Variants in ERAP1 observed in about 807,000 individuals in gnomAD.
The protein encoded by ERAP1 is adipocyte-derived leucine aminopeptidase.
ERAP1 carries 86 observed loss-of-function variants against 103.7 expected under a neutral mutation model. That is an observed-to-expected ratio of 0.83 (90% confidence interval 0.70 to 0.99). The LOEUF (loss-of-function observed/expected upper bound fraction) is 0.99. Among genes scored for constraint, ERAP1 ranks in the 50% least tolerant of loss-of-function variants. The probability of loss-of-function intolerance (pLI) is 0.00; values close to 1 mark genes in which losing one functional copy is unlikely to be tolerated. For missense variants in ERAP1, 1,009 were observed against 1,128.4 expected (o/e 0.89, Z 1.52); for synonymous variants, 398 against 402.4 (o/e 0.99, Z 0.13).
the ERAP1 span, among the ~76,000 whole-genome samples, chr5:96,897,085 C>G: frequency 2.6e-5 from 4 of 151,642 alleles, no homozygotes; most frequent in African/African-American, 9.7e-5. Context: ...ACCTGACTTT[C>G]TTTGGTTTCT....
At chr5:96,822,897 T>G in the ERAP1 span, 1 of 360,764 alleles carries the variant, frequency 2.8e-6, no homozygotes, top group South Asian at 2.1e-5. Context: ...TAGGGTCACA[T>G]GAGGCTGAAT....
At chr5:96,857,208 GC>G in the ERAP1 span, among the ~76,000 whole-genome samples, 2 of 152,194 alleles carry the variant, frequency 1.3e-5, no homozygotes, top group Non-Finnish European at 2.9e-5. Flanking sequence ...CTTCAAAGAA[GC>G]CTTCCCTGAT....
downstream of ERAP1, among the ~76,000 whole-genome samples, chr5:96,771,134 A>G (rs1772143746): frequency 6.6e-6 from 1 of 152,212 alleles, no homozygotes; most frequent in African/African-American, 2.4e-5. Context: ...CCTGTAGTAG[A>G]TTCCCTTAAG....
chr5:96,774,994 C>T lies in ERAP1; in HGVS notation c.*1402G>A. 1 of 985,510 alleles carries T rather than the reference C, an allele frequency of 1.0e-6. No individual in the cohort carries two copies. The highest frequency in any genetic ancestry group is 1.2e-6 in the Non-Finnish European group (1 of 829,912). 61.0% of individuals were successfully genotyped at this position (985,510 alleles called of 1,614,324 possible). ...AAGTTCAGTTTGAATTCTCCTTTGC[C>T]AGGTGTGAGGATTTCCGCACCTTAG... On this transcript the variant is annotated 3_prime_UTR_variant, in exon 19 of 19. Transcript: ENST00000443439.
At chr5:96,832,494 A>G in the ERAP1 span, among the ~76,000 whole-genome samples, 1 of 152,216 alleles carries the variant, frequency 6.6e-6, no homozygotes, top group African/African-American at 2.4e-5. Flanking sequence ...GAAAAGTTGT[A>G]AAAATATAGA....
the ERAP1 span, among the ~76,000 whole-genome samples, chr5:96,866,488 TA>T: frequency 6.6e-6 from 1 of 152,216 alleles, no homozygotes; most frequent in Non-Finnish European, 1.5e-5. Flanking sequence ...CAACATTCAT[TA>T]AGGATGTTTA....
At chr5:96,895,265 C>A in the ERAP1 span, 5 of 1,611,366 alleles carry the variant, frequency 3.1e-6, no homozygotes, top group Non-Finnish European at 4.2e-6. Flanking sequence ...AACCTGGTCA[C>A]AATGGAATGG....
the ERAP1 span, chr5:96,880,993 A>G: frequency 6.3e-6 from 1 of 159,024 alleles, no homozygotes; most frequent in South Asian, 1.6e-4. Flanking sequence ...TTGAGAGCTG[A>G]GTTTTTTTTT....
At chr5:96,818,923 T>TTTAG in the ERAP1 span, among the ~76,000 whole-genome samples, 1 of 151,006 alleles carries the variant, frequency 6.6e-6, no homozygotes, top group Non-Finnish European at 1.5e-5. Flanking sequence ...TATTTATTTA[T>TTTAG]TTATTTATTT....
the ERAP1 span, among the ~76,000 whole-genome samples, chr5:96,856,349 A>AATATATATATATATATATATATATAT: frequency 1.2e-4 from 1 of 8,538 alleles, no homozygotes; most frequent in African/African-American, 3.6e-4. Context: ...AAAAAAAAAA[A>AATATATATATATATATATATATATAT]ATATATATAT....
the ERAP1 span, among the ~76,000 whole-genome samples, chr5:96,888,931 C>T: frequency 6.6e-6 from 1 of 152,194 alleles, no homozygotes; most frequent in Non-Finnish European, 1.5e-5. Context: ...AATGGGTTAA[C>T]ATGATTTGAA....
the ERAP1 span, among the ~76,000 whole-genome samples, chr5:96,924,598 ATTT>A: frequency 6.9e-6 from 1 of 144,834 alleles, no homozygotes; most frequent in East Asian, 2.0e-4. Flanking sequence ...GGGCTAACAG[ATTT>A]TTTTTTTTTT....
the ERAP1 span, among the ~76,000 whole-genome samples, chr5:96,884,369 C>T: frequency 3.3e-5 from 5 of 152,180 alleles, no homozygotes; most frequent in East Asian, 5.8e-4. Context: ...CAACAAGCCT[C>T]CAGCCACTGC....
At chr5:96,903,451 T>C in the ERAP1 span, 1 of 1,614,062 alleles carries the variant, frequency 6.2e-7, no homozygotes. Flanking sequence ...CATCGTTCAC[T>C]ATGAGGGTCA....
the ERAP1 span, among the ~76,000 whole-genome samples, chr5:96,890,786 G>T: frequency 6.6e-6 from 1 of 152,042 alleles, no homozygotes; most frequent in East Asian, 1.9e-4. Flanking sequence ...TTATTGTGCA[G>T]GTTCTATATA....
At chr5:96,849,855 A>C in the ERAP1 span, among the ~76,000 whole-genome samples, 1 of 152,176 alleles carries the variant, frequency 6.6e-6, no homozygotes, top group Non-Finnish European at 1.5e-5. Flanking sequence ...TTAATTTCAA[A>C]ATATATTACA....
chr5:96,796,850 G>C lies in ERAP1; in HGVS notation c.798+325C>G, dbSNP rs558883518. The stretch of plus-strand genomic sequence containing the variant: ...GTTTTGCTCTGTTGCCCAGGCTGGA[G>C]TGCACAATCATACCTCATTGAAGCC... On this transcript the variant is annotated intron_variant, in intron 4 of 18. Transcript: ENST00000443439. 2.2e-4 allele frequency among the ~76,000 whole-genome samples: 34 copies of C among 152,282 alleles called. No individual in the cohort carries two copies. In the South Asian group the frequency reaches 7.0e-3, roughly 32 times the overall value.
intron 14 of ERAP1, 55 bp downstream of exon 14, chr5:96,783,869 A>T: frequency 7.8e-7 from 1 of 1,289,778 alleles, no homozygotes; most frequent in Non-Finnish European, 1.0e-6. Context: ...ACACACAATG[A>T]TTAACACTTT....
the ERAP1 span, among the ~76,000 whole-genome samples, chr5:96,872,800 C>T: frequency 6.6e-6 from 1 of 151,942 alleles, no homozygotes; most frequent in South Asian, 2.1e-4. Context: ...TCTCTTGATC[C>T]TAGGTTCAGT....
Sources: allele counts gnomAD v4.1 joint callset (sites outside exome capture counted in the v4.1 genomes callset), GRCh38; gene constraint gnomAD v4.1.1; transcripts MANE v1.5; gene names NCBI Gene and HGNC (gene_info 2026-07-23, HGNC 2026-07-21).